The following STK3 variants were observed in gnomAD, a reference collection of about 807,000 sequenced individuals.
STK3 encodes the protein serine/threonine-protein kinase 3.
Under a neutral mutation model 58.0 loss-of-function variants are expected in STK3, and 41 were observed. The observed-to-expected ratio is 0.71, with a 90% CI of 0.55 to 0.92. STK3 has a LOEUF of 0.92. Among genes scored for constraint, STK3 ranks in the 40% least tolerant of loss-of-function variants. The pLI, the probability that STK3 is intolerant of heterozygous loss-of-function variation, is 0.00. For synonymous variants in STK3, 170 were observed against 191.0 expected (o/e 0.89, Z 0.91); for missense variants, 479 against 602.7 (o/e 0.79, Z 2.15).
At chr8:98,363,464 C>G in the STK3 span, among the ~76,000 whole-genome samples, 1 of 152,144 alleles carries the variant, frequency 6.6e-6, no homozygotes, top group African/African-American at 2.4e-5. Flanking sequence ...TTACTGTGCT[C>G]CCCCAAGGAC....
chr8:98,814,650 G>A (rs1834434959), intron 1 of STK3, among the ~76,000 whole-genome samples: 1 of 152,070 alleles, frequency 6.6e-6, no homozygotes, highest in African/African-American at 2.4e-5. Flanking sequence ...GGGACTACAA[G>A]CGTGAAACAC....
chr8:98,615,157 A>C (rs1253191296), intron 6 of STK3, among the ~76,000 whole-genome samples: 2 of 151,388 alleles, frequency 1.3e-5, no homozygotes, highest in African/African-American at 4.9e-5. Context: ...CTGACCCCTG[A>C]CCCCCGAGCA....
chr8:98,506,441 T>TG, intron 10 of STK3, among the ~76,000 whole-genome samples: 1 of 152,280 alleles, frequency 6.6e-6, no homozygotes, highest in South Asian at 2.1e-4. Flanking sequence ...ATGAACCAGG[T>TG]ACCTCAATTG....
intron 2 of STK3, among the ~76,000 whole-genome samples, chr8:98,436,036 C>G (rs1818472879): frequency 6.6e-6 from 1 of 152,152 alleles, no homozygotes. Context: ...GAACTGCTGT[C>G]CTGATGGTCA....
At chr8:98,511,379 T>G (rs1184263358) in intron 10 of STK3, among the ~76,000 whole-genome samples, 2 of 151,980 alleles carry the variant, frequency 1.3e-5, no homozygotes, top group Non-Finnish European at 2.9e-5. Flanking sequence ...TATTAAGGAT[T>G]AAAAATATTA....
At chr8:98,380,895 A>G (rs1817724890) in intron 1 of STK3, among the ~76,000 whole-genome samples, 1 of 150,784 alleles carries the variant, frequency 6.6e-6, no homozygotes, top group Non-Finnish European at 1.5e-5. Flanking sequence ...TTTCTATCAC[A>G]TAAGTTCCAA....
At chr8:98,515,992 A>C (rs946764245) in intron 10 of STK3, among the ~76,000 whole-genome samples, 40 of 152,010 alleles carry the variant, frequency 2.6e-4, no homozygotes, top group Non-Finnish European at 1.6e-4. Context: ...GTTTTTCCCA[A>C]TACTTATTAG....
At chr8:98,516,392 T>C (rs559104286) in intron 10 of STK3, among the ~76,000 whole-genome samples, 16 of 152,170 alleles carry the variant, frequency 1.1e-4, no homozygotes, top group Admixed American at 6.6e-4. Context: ...TGCTACTAAA[T>C]GATGACTACT....
intron 6 of STK3, among the ~76,000 whole-genome samples, chr8:98,671,915 G>A (rs990442253): frequency 1.3e-5 from 2 of 152,174 alleles, no homozygotes; most frequent in African/African-American, 4.8e-5. Flanking sequence ...TAGTAAGTGA[G>A]TCCTCATGAG....
chr8:98,594,461 A>G (rs998268443), intron 7 of STK3, among the ~76,000 whole-genome samples: 1 of 151,916 alleles, frequency 6.6e-6, no homozygotes, highest in African/African-American at 2.4e-5. Flanking sequence ...TTAGCCAGGC[A>G]TGGTGGCACA....
chr8:98,346,054 G>A, the STK3 span, among the ~76,000 whole-genome samples: 1 of 152,076 alleles, frequency 6.6e-6, no homozygotes, highest in African/African-American at 2.4e-5. Flanking sequence ...GGGAGGCCAA[G>A]GTGGGCTAAT....
chr8:98,391,715 T>C (rs1480802301), upstream of STK3, among the ~76,000 whole-genome samples: 2 of 152,206 alleles, frequency 1.3e-5, no homozygotes, highest in Admixed American at 6.5e-5. Context: ...TCTCGTGCAG[T>C]CTTTCCAGGT....
intron 2 of STK3, among the ~76,000 whole-genome samples, chr8:98,435,006 G>C (rs1818435399): frequency 6.6e-6 from 1 of 152,208 alleles, no homozygotes; most frequent in Non-Finnish European, 1.5e-5. Context: ...GATCACTGGG[G>C]CTGCTCCCAC....
intron 6 of STK3, among the ~76,000 whole-genome samples, chr8:98,671,715 G>A (rs1019906554): frequency 2.6e-5 from 4 of 152,120 alleles, no homozygotes; most frequent in Non-Finnish European, 5.9e-5. Context: ...CAGAGTAGCT[G>A]GGACCATAGG....
chr8:98,845,960 A>G (rs1048306135), intron 3 of STK3, among the ~76,000 whole-genome samples: 5 of 152,222 alleles, frequency 3.3e-5, no homozygotes, highest in Admixed American at 6.5e-5. Flanking sequence ...AAGTTGCCAG[A>G]GTAGGAAGTT....
At chr8:98,457,521 A>G (rs574407674) in intron 10 of STK3, among the ~76,000 whole-genome samples, 4 of 152,338 alleles carry the variant, frequency 2.6e-5, no homozygotes, top group African/African-American at 9.6e-5. Flanking sequence ...TGTAACACTC[A>G]TAATTTAAAC....
chr8:98,785,156 G>C (rs1832377723), intron 1 of STK3, among the ~76,000 whole-genome samples: 1 of 150,390 alleles, frequency 6.6e-6, no homozygotes, highest in African/African-American at 2.5e-5. Flanking sequence ...TTCCTATGAA[G>C]AGATCTGGGT....
intron 10 of STK3, among the ~76,000 whole-genome samples, chr8:98,478,841 T>G (rs1183134187): frequency 6.6e-6 from 1 of 152,182 alleles, no homozygotes; most frequent in Non-Finnish European, 1.5e-5. Flanking sequence ...ATGCACCACA[T>G]GCCCACATCT....
At chr8:98,349,952 C>T in the STK3 span, among the ~76,000 whole-genome samples, 3 of 152,120 alleles carry the variant, frequency 2.0e-5, no homozygotes, top group Non-Finnish European at 4.4e-5. Context: ...AGACATTTTC[C>T]ACATTGTCTT....
Sources: allele counts gnomAD v4.1 joint callset (sites outside exome capture counted in the v4.1 genomes callset), GRCh38; gene constraint gnomAD v4.1.1; transcripts MANE v1.5; gene names NCBI Gene and HGNC (gene_info 2026-07-23, HGNC 2026-07-21).